Variants in RABGAP1L observed in about 807,000 individuals in gnomAD.
RABGAP1L encodes RAB GTPase activating protein 1 like, also known as rab GTPase-activating protein 1-like.
Under a neutral mutation model 137.7 loss-of-function variants are expected in RABGAP1L, and 63 were observed. The observed-to-expected ratio is 0.46, with a 90% CI of 0.37 to 0.56. The LOEUF (loss-of-function observed/expected upper bound fraction) is 0.56, where lower values mean the gene tolerates loss of function less well. RABGAP1L is among the 20% of genes least tolerant of loss of function. The probability of loss-of-function intolerance (pLI) is 0.00; values close to 1 mark genes in which losing one functional copy is unlikely to be tolerated. For synonymous variants in RABGAP1L, 431 were observed against 433.7 expected, an observed-to-expected ratio of 0.99 and a Z score of 0.08; for missense variants, 1,095 against 1,244.0, an observed-to-expected ratio of 0.88 and a Z score of 1.80.
intron 1 of RABGAP1L, among the ~76,000 whole-genome samples, chr1:174,195,722 TTTTC>T (rs869287722): frequency 3.7e-5 from 3 of 80,002 alleles, no homozygotes; most frequent in Admixed American, 1.3e-4. Context: ...CTTTTCTTTC[TTTTC>T]TTTCTTTTCT....
intron 11 of RABGAP1L, among the ~76,000 whole-genome samples, chr1:174,364,755 G>T (rs6701911): frequency 6.6e-6 from 1 of 151,842 alleles, no homozygotes; most frequent in Non-Finnish European, 1.5e-5. Flanking sequence ...CCCCTGAAAC[G>T]AGCATGTCTC....
intron 11 of RABGAP1L, among the ~76,000 whole-genome samples, chr1:174,351,449 C>T (rs1683181675): frequency 6.6e-6 from 1 of 152,134 alleles, no homozygotes; most frequent in African/African-American, 2.4e-5. Context: ...AATATACTAT[C>T]CTAAGATTTT....
At chr1:174,962,200 C>CCT (rs1162438275) in intron 20 of RABGAP1L, among the ~76,000 whole-genome samples, 1 of 125,948 alleles carries the variant, frequency 7.9e-6, no homozygotes, top group Non-Finnish European at 1.7e-5. Flanking sequence ...AAATACACCC[C>CCT]CCCCCCACAC....
chr1:174,619,932 G>T (rs1452509968), intron 13 of RABGAP1L, among the ~76,000 whole-genome samples: 1 of 152,054 alleles, frequency 6.6e-6, no homozygotes, highest in African/African-American at 2.4e-5. Context: ...TCACAATAAG[G>T]GACGGAGGAA....
At chr1:174,199,954 C>T (rs1279045119) in intron 1 of RABGAP1L, among the ~76,000 whole-genome samples, 1 of 151,974 alleles carries the variant, frequency 6.6e-6, no homozygotes, top group East Asian at 1.9e-4. Context: ...TCATAGGAAA[C>T]AAATATGAGG....
At chr1:174,541,441 T>C (rs559136230) in intron 13 of RABGAP1L, among the ~76,000 whole-genome samples, 1 of 152,064 alleles carries the variant, frequency 6.6e-6, no homozygotes, top group African/African-American at 2.4e-5. Flanking sequence ...CATAAATAGC[T>C]CTTATTATTT....
intron 11 of RABGAP1L, among the ~76,000 whole-genome samples, chr1:174,360,905 C>T (rs1227070429): frequency 1.3e-5 from 2 of 151,754 alleles, no homozygotes; most frequent in African/African-American, 4.8e-5. Flanking sequence ...GCCTGTAATC[C>T]CAGCACTTTG....
intron 19 of RABGAP1L, among the ~76,000 whole-genome samples, chr1:174,915,581 C>G (rs1451871578): frequency 6.6e-6 from 1 of 152,158 alleles, no homozygotes; most frequent in South Asian, 2.1e-4. Flanking sequence ...CTCAGCCTCC[C>G]GAGTAGCTAG....
intron 13 of RABGAP1L, among the ~76,000 whole-genome samples, chr1:174,505,527 A>G (rs1661738357): frequency 6.6e-6 from 1 of 152,102 alleles, no homozygotes. Flanking sequence ...AATACTTGAA[A>G]TAAACACAGG....
chr1:174,231,993 T>C (rs1447769368), intron 4 of RABGAP1L, among the ~76,000 whole-genome samples: 3 of 152,124 alleles, frequency 2.0e-5, no homozygotes, highest in Non-Finnish European at 2.9e-5. Context: ...ATATTATAAA[T>C]AGAAATAAAA....
intron 18 of RABGAP1L, among the ~76,000 whole-genome samples, chr1:174,782,916 A>G (rs1687124951): frequency 6.6e-6 from 1 of 152,224 alleles, no homozygotes; most frequent in African/African-American, 2.4e-5. Flanking sequence ...AATGATTGGG[A>G]TATAAACCCC....
chr1:174,604,128 T>C (rs1670610680), intron 13 of RABGAP1L, among the ~76,000 whole-genome samples: 1 of 152,040 alleles, frequency 6.6e-6, no homozygotes, highest in African/African-American at 2.4e-5. Context: ...TGACCAGGAA[T>C]TGCAGTCCTT....
intron 3 of RABGAP1L, among the ~76,000 whole-genome samples, chr1:174,223,084 A>G (rs1669882596): frequency 6.6e-6 from 1 of 151,978 alleles, no homozygotes; most frequent in African/African-American, 2.4e-5. Flanking sequence ...CCTGGCTAAT[A>G]TAGTGAAACC....
intron 1 of RABGAP1L, among the ~76,000 whole-genome samples, chr1:174,170,064 G>GA (rs1215294165): frequency 6.6e-6 from 1 of 152,058 alleles, no homozygotes; most frequent in Non-Finnish European, 1.5e-5. Context: ...TCCAAGGGTG[G>GA]AAAAAAATAC....
chr1:174,449,040 G>T, intron 13 of RABGAP1L: 1 of 1,613,976 alleles, frequency 6.2e-7, no homozygotes, highest in Non-Finnish European at 8.5e-7. Flanking sequence ...ATAAGTAATA[G>T]TTTTTGTAAC....
intron 13 of RABGAP1L, among the ~76,000 whole-genome samples, chr1:174,482,574 T>C (rs1339877219): frequency 6.6e-6 from 1 of 152,234 alleles, no homozygotes; most frequent in African/African-American, 2.4e-5. Flanking sequence ...CACTGCAGCC[T>C]CTACCTCCTG....
intron 3 of RABGAP1L, among the ~76,000 whole-genome samples, chr1:174,223,322 A>G (rs4650968): frequency 0.22 from 31,941 of 145,186 alleles, 4,040 homozygotes; most frequent in Non-Finnish European, 0.26. Flanking sequence ...GAACACTTGA[A>G]ATTCCAGCTG....
chr1:174,241,734 T>C, intron 5 of RABGAP1L, 77 bp downstream of exon 5: 1 of 1,156,082 alleles, frequency 8.6e-7, no homozygotes, highest in Admixed American at 2.6e-5. Flanking sequence ...TTCACTGTTG[T>C]ATAAATATGT....
At chr1:174,400,137 A>G (rs1280194194) in intron 13 of RABGAP1L, among the ~76,000 whole-genome samples, 1 of 152,202 alleles carries the variant, frequency 6.6e-6, no homozygotes, top group Non-Finnish European at 1.5e-5. Flanking sequence ...TATGGCTATC[A>G]ATACATCAAA....
Sources: gnomAD v4.1 joint callset for allele counts (sites outside exome capture counted in the v4.1 genomes callset) on GRCh38, gnomAD v4.1.1 for gene constraint, MANE v1.5 for transcripts, NCBI Gene and HGNC (gene_info 2026-07-23, HGNC 2026-07-21) for gene names.